The following PARP11 variants were observed in gnomAD, a reference collection of about 807,000 sequenced individuals.
PARP11 encodes the protein poly(ADP-ribose) polymerase family member 11.
In PARP11, 31 loss-of-function variants were observed where a neutral mutation model predicts 42.9. The observed-to-expected ratio is 0.72, with a 90% confidence interval of 0.54 to 0.98. PARP11 has a LOEUF of 0.98. PARP11 is among the 50% of genes least tolerant of loss of function. The pLI, the probability that PARP11 is intolerant of heterozygous loss-of-function variation, is 0.00. For missense variants in PARP11, 365 were observed against 413.1 expected, an observed-to-expected ratio of 0.88 and a Z score of 1.01; for synonymous variants, 137 against 127.3, an observed-to-expected ratio of 1.08 and a Z score of -0.51.
chr12:3,829,570 C>T (rs1050636953), intron 2 of PARP11, among the ~76,000 whole-genome samples: 10 of 152,170 alleles, frequency 6.6e-5, no homozygotes, highest in African/African-American at 2.4e-4. Flanking sequence ...ACCTGGCATA[C>T]AGAAGTGTTT....
At position 3,840,599 on chromosome 12, in the gene PARP11, G is replaced by A; in HGVS notation, c.19-10581C>T. On this transcript the variant is annotated intron_variant, in intron 1 of 7. Transcript: ENST00000228820. The surrounding 1 kb of genome is among the most constrained non-coding windows in gnomAD (Gnocchi z 4.4). ...AGAGTTGAGGATTCTGATCACACAA[G>A]TCGAGAATCTAACTATTGCTACTTC... 2 of 1,379,720 alleles carry A rather than the reference G, an allele frequency of 1.4e-6. No individual in the cohort carries two copies. The highest frequency in any genetic ancestry group is 1.0e-6 in the Non-Finnish European group (1 of 966,342). 85.5% of individuals were successfully genotyped at this position (1,379,720 alleles called of 1,614,324 possible).
At position 3,818,402 on chromosome 12, in the gene PARP11, CTGACA is replaced by C. The variant is rs1947332958; in HGVS notation, c.548+3466_548+3470del. On this transcript the variant is annotated intron_variant, in intron 6 of 7. Coordinates refer to ENST00000228820, the MANE Select transcript of PARP11 (RefSeq NM_020367.6). ...TGGACCACCCTTCTCTATCTCCTTT[CTGACA>C]TATGTTCTCAGAATTTCATCTCACC... Among the ~76,000 whole-genome samples, 8 of 152,312 alleles carry C rather than the reference CTGACA, an allele frequency of 5.3e-5. No homozygotes were observed. In the South Asian group the frequency reaches 1.5e-3, roughly 28 times the overall value.
At chr12:3,819,830 C>T (rs1291562090) in intron 6 of PARP11, among the ~76,000 whole-genome samples, 1 of 152,220 alleles carries the variant, frequency 6.6e-6, no homozygotes, top group African/African-American at 2.4e-5. Context: ...CTACAAACTC[C>T]TGCATGCTCT....
At chr12:3,851,217 A>G (rs1948090524) in intron 1 of PARP11, among the ~76,000 whole-genome samples, 1 of 152,166 alleles carries the variant, frequency 6.6e-6, no homozygotes, top group African/African-American at 2.4e-5. Context: ...TGATTTCTGC[A>G]TTTCCAACTG....
At position 3,857,045 on chromosome 12, in the gene PARP11, G is replaced by A. The variant is rs147572324; in HGVS notation, c.18+16167C>T. On this transcript the variant is annotated intron_variant, in intron 1 of 7. Transcript: ENST00000228820. ...TTGCAAGGACAGAAAACCAAACACCGCACGTTCTCACTCATAAGTGGGATT... is the reference window on the plus strand; with the variant it reads ...TTGCAAGGACAGAAAACCAAACACCACACGTTCTCACTCATAAGTGGGATT... Among the ~76,000 whole-genome samples, 54 of 151,002 alleles carry A rather than the reference G, an allele frequency of 3.6e-4. 2 individuals carry two copies. The East Asian group carries it at 9.6e-3, about 27-fold the overall frequency.
intron 1 of PARP11, among the ~76,000 whole-genome samples, chr12:3,854,229 C>G (rs10848946): frequency 0.14 from 20,824 of 151,898 alleles, 2,043 homozygotes; most frequent in East Asian, 0.43. Context: ...AAAAGAACTA[C>G]AGAAGCAAGA....
chr12:3,848,588 A>T (rs1172376569), intron 1 of PARP11, among the ~76,000 whole-genome samples: 1 of 152,080 alleles, frequency 6.6e-6, no homozygotes, highest in Non-Finnish European at 1.5e-5. Flanking sequence ...GGGAAAACTG[A>T]ATAAAGACTA....
chr12:3,827,008 G>T (rs1947540820), intron 3 of PARP11, among the ~76,000 whole-genome samples: 1 of 152,136 alleles, frequency 6.6e-6, no homozygotes, highest in South Asian at 2.1e-4. Context: ...TATAAAGTGT[G>T]TTCTGTCCTT....
intron 4 of PARP11, among the ~76,000 whole-genome samples, chr12:3,825,918 C>T (rs1420161400): frequency 6.6e-6 from 1 of 151,866 alleles, no homozygotes; most frequent in Non-Finnish European, 1.5e-5. Context: ...TTAGTAGAGA[C>T]GGGGATTCAC....
At chr12:3,872,934 C>G (rs561398540) in intron 1 of PARP11, 1 of 256,500 alleles carries the variant, frequency 3.9e-6, no homozygotes, top group Admixed American at 6.5e-5. Context: ...TCAAAAACAA[C>G]AACAACAACA....
At chr12:3,833,981 G>A (rs188118874) in intron 1 of PARP11, among the ~76,000 whole-genome samples, 5 of 150,578 alleles carry the variant, frequency 3.3e-5, no homozygotes, top group East Asian at 2.0e-4. Context: ...CAGAGGACCC[G>A]TCTCTCTTTC....
intron 4 of PARP11, chr12:3,824,554 G>A (rs1329138360): frequency 6.2e-6 from 4 of 641,098 alleles, no homozygotes; most frequent in Non-Finnish European, 7.8e-6. Flanking sequence ...AGCACCTACT[G>A]ACCTTCAACA....
At position 3,851,445 on chromosome 12, in the gene PARP11, C is replaced by T. The variant is rs147209402; in HGVS notation, c.19-21427G>A. On this transcript the variant is annotated intron_variant, in intron 1 of 7. Coordinates refer to ENST00000228820, the MANE Select transcript of PARP11 (RefSeq NM_020367.6). ...ACCAACAGTCTTAGCAAATGGCACA[C>T]CAGGAGATTATATCCCGCACCTGGC... 3.8e-4 allele frequency among the ~76,000 whole-genome samples: 58 copies of T among 152,366 alleles called. No homozygotes were observed. The East Asian group carries it at 9.4e-3, about 25-fold the overall frequency.
intron 1 of PARP11, among the ~76,000 whole-genome samples, chr12:3,845,134 T>A (rs1947973810): frequency 6.6e-6 from 1 of 152,202 alleles, no homozygotes; most frequent in African/African-American, 2.4e-5. Flanking sequence ...TGAACTTTAT[T>A]CCAGCCCCCT....
rs1035891425 is a variant in PARP11 at position 3,840,690 on chromosome 12, G to A, written c.19-10672C>T. The stretch of plus-strand genomic sequence containing the variant: ...GTAAGTGATAGAAAAGGAAGCAGGC[G>A]GAGAATGGATACAGAAGAACGAAAA... On this transcript the variant is annotated intron_variant, in intron 1 of 7. Transcript: ENST00000228820. This position sits in a 1 kb window ranked among gnomAD's most constrained non-coding sequence, Gnocchi z 4.4. The A allele has an allele frequency of 2.1e-5, 26 of 1,233,238 alleles. No homozygotes were observed. Among genetic ancestry groups the A allele is most frequent in the Middle Eastern group, 1.9e-4 (1 of 5,344 alleles). 76.4% of individuals were successfully genotyped at this position (1,233,238 alleles called of 1,614,324 possible).
chr12:3,815,901 T>C (rs1303652769), intron 6 of PARP11, among the ~76,000 whole-genome samples: 1 of 152,250 alleles, frequency 6.6e-6, no homozygotes, highest in Non-Finnish European at 1.5e-5. Flanking sequence ...TCGTTGAATA[T>C]GTTTGGGAAT....
chr12:3,828,782 T>G, intron 3 of PARP11, 128 bp downstream of exon 3: 1 of 755,664 alleles, frequency 1.3e-6, no homozygotes, highest in South Asian at 2.1e-5. Context: ...ATAGAGGTAT[T>G]TTTGTATATA....
At chr12:3,833,656 C>T (rs1036318995) in intron 1 of PARP11, among the ~76,000 whole-genome samples, 1 of 152,096 alleles carries the variant, frequency 6.6e-6, no homozygotes, top group South Asian at 2.1e-4. Context: ...AAAAAACAAA[C>T]ATTTAAAGTC....
intron 6 of PARP11, among the ~76,000 whole-genome samples, chr12:3,819,807 C>T (rs1341607528): frequency 6.6e-6 from 1 of 152,212 alleles, no homozygotes; most frequent in African/African-American, 2.4e-5. Flanking sequence ...ACACAACCAC[C>T]CCAGTGGTGC....
Sources: allele counts gnomAD v4.1 joint callset (sites outside exome capture counted in the v4.1 genomes callset), GRCh38; gene constraint gnomAD v4.1.1; non-coding constraint Gnocchi (gnomAD v3.1); transcripts MANE v1.5; gene names NCBI Gene and HGNC (gene_info 2026-07-23, HGNC 2026-07-21).